EPHA6: variants seen among roughly 807,000 people sequenced by gnomAD.
The protein encoded by EPHA6 is EPH receptor A6, also known as ephrin type-A receptor 6.
EPHA6 carries 50 observed loss-of-function variants against 112.0 expected under a neutral mutation model. The ratio of observed to expected loss-of-function variants is 0.45; its 90% CI spans 0.36 to 0.56. The LOEUF is 0.56. EPHA6 is among the 20% of genes least tolerant of loss of function. The pLI is 0.00. For missense variants in EPHA6, 1,280 were observed against 1,417.4 expected, an observed-to-expected ratio of 0.90 and a Z score of 1.56; for synonymous variants, 529 against 490.7, an observed-to-expected ratio of 1.08 and a Z score of -1.03.
intron 14 of EPHA6, among the ~76,000 whole-genome samples, chr3:97,672,022 A>C (rs560349704): frequency 4.6e-5 from 7 of 152,310 alleles, no homozygotes; most frequent in African/African-American, 1.7e-4. Context: ...TGCGCAGTCC[A>C]TCACTGTTCC....
At chr3:97,349,740 T>C (rs2083709367) in intron 5 of EPHA6, among the ~76,000 whole-genome samples, 1 of 152,018 alleles carries the variant, frequency 6.6e-6, no homozygotes, top group Non-Finnish European at 1.5e-5. Context: ...AGACTAGTGA[T>C]CTTCATGAGA....
chr3:97,572,147 C>CTTTTTTT (rs869271956), intron 11 of EPHA6, among the ~76,000 whole-genome samples: 1 of 128,368 alleles, frequency 7.8e-6, no homozygotes, highest in Non-Finnish European at 1.7e-5. Flanking sequence ...ATCTCTTTTC[C>CTTTTTTT]TTTTTTTTTT....
chr3:97,538,528 C>T (rs1005285908), intron 11 of EPHA6, among the ~76,000 whole-genome samples: 2 of 152,054 alleles, frequency 1.3e-5, no homozygotes, highest in African/African-American at 2.4e-5. Context: ...AAGGAGAACT[C>T]GATAGATGGC....
intron 3 of EPHA6, among the ~76,000 whole-genome samples, chr3:96,992,881 T>A (rs544415163): frequency 9.6e-4 from 146 of 152,308 alleles, no homozygotes; most frequent in Admixed American, 2.6e-3. Context: ...TGCCTCTGGG[T>A]CTTCACAAAG....
intron 2 of EPHA6, among the ~76,000 whole-genome samples, chr3:96,886,409 C>T (rs2037627359): frequency 6.6e-6 from 1 of 152,156 alleles, no homozygotes; most frequent in Admixed American, 6.5e-5. Context: ...TTGGACAAGG[C>T]CTTTTACCAT....
intron 2 of EPHA6, among the ~76,000 whole-genome samples, chr3:96,891,227 C>T (rs2037942305): frequency 1.3e-5 from 2 of 152,126 alleles, no homozygotes; most frequent in Admixed American, 1.3e-4. Context: ...AAATGGTTGT[C>T]TAGGCATAAA....
chr3:97,260,065 T>C (rs1245479378), intron 5 of EPHA6, among the ~76,000 whole-genome samples: 1 of 152,206 alleles, frequency 6.6e-6, no homozygotes, highest in Non-Finnish European at 1.5e-5. Flanking sequence ...CCTCCCAAAG[T>C]GCTGGGATTA....
intron 2 of EPHA6, among the ~76,000 whole-genome samples, chr3:96,946,243 A>G: frequency 6.6e-6 from 1 of 152,006 alleles, no homozygotes. Flanking sequence ...TTACGTAAGT[A>G]TACGTGTGCC....
chr3:96,895,857 G>C (rs903477171), intron 2 of EPHA6, among the ~76,000 whole-genome samples: 4 of 152,058 alleles, frequency 2.6e-5, no homozygotes, highest in Non-Finnish European at 4.4e-5. Flanking sequence ...CTTCACACAG[G>C]CTTCTTATAG....
At chr3:97,250,903 T>C (rs2079117878) in intron 5 of EPHA6, among the ~76,000 whole-genome samples, 1 of 152,128 alleles carries the variant, frequency 6.6e-6, no homozygotes, top group Admixed American at 6.5e-5. Context: ...AGTCTCACTT[T>C]GTCCCCAGGG....
At chr3:97,276,172 G>A (rs1320312185) in intron 5 of EPHA6, among the ~76,000 whole-genome samples, 2 of 152,158 alleles carry the variant, frequency 1.3e-5, no homozygotes. Flanking sequence ...ACCCTCCACT[G>A]TGAGAGTTAC....
chr3:97,447,770 T>G, intron 6 of EPHA6: 1 of 1,014,950 alleles, frequency 9.9e-7, no homozygotes, highest in Non-Finnish European at 1.2e-6. Flanking sequence ...GTGAGATAAT[T>G]TGGCAATTCA....
intron 3 of EPHA6, among the ~76,000 whole-genome samples, chr3:97,089,013 G>C (rs184472198): frequency 2.0e-5 from 3 of 152,026 alleles, no homozygotes; most frequent in Non-Finnish European, 4.4e-5. Flanking sequence ...CTTTAGGGCC[G>C]GAGCAGAGTT....
Position 97,747,421 on chromosome 3 carries a change from A to C in EPHA6, c.3129-2A>C. 1 of 1,532,268 alleles carries C rather than the reference A, an allele frequency of 6.5e-7. No homozygotes were observed. Among genetic ancestry groups the C allele is most frequent in the Non-Finnish European group, 8.8e-7 (1 of 1,139,560 alleles). 94.9% of individuals were successfully genotyped at this position (1,532,268 alleles called of 1,614,324 possible). On this transcript the variant is annotated splice_acceptor_variant, in intron 16 of 17. Transcript: ENST00000389672. LOFTEE classifies it high-confidence loss of function. ...GTTTTGTTTTGTTTTGTTTTCTTAC[A>C]GAATGCCAGAGTCCCCTGGTGAAGT...
intron 3 of EPHA6, among the ~76,000 whole-genome samples, chr3:97,213,201 G>T (rs1319191451): frequency 2.6e-5 from 4 of 152,158 alleles, no homozygotes; most frequent in Non-Finnish European, 5.9e-5. Flanking sequence ...CCCTTGGCAA[G>T]AAGGCTGAGG....
At chr3:97,726,927 G>A (rs536088895) in intron 15 of EPHA6, among the ~76,000 whole-genome samples, 1 of 152,170 alleles carries the variant, frequency 6.6e-6, no homozygotes, top group Admixed American at 6.5e-5. Flanking sequence ...TAAATGAGAG[G>A]TGACTTAGCT....
At chr3:97,550,973 A>G (rs2093021649) in intron 11 of EPHA6, among the ~76,000 whole-genome samples, 1 of 152,184 alleles carries the variant, frequency 6.6e-6, no homozygotes, top group South Asian at 2.1e-4. Context: ...GCTCAATTCT[A>G]AATTTTAACA....
intron 2 of EPHA6, among the ~76,000 whole-genome samples, chr3:96,885,143 C>CTT (rs1418480238): frequency 6.6e-6 from 1 of 151,996 alleles, no homozygotes; most frequent in Non-Finnish European, 1.5e-5. Context: ...TTGTTAAGGA[C>CTT]TTTAGGATGT....
chr3:97,610,553 T>C (rs1312818207), intron 12 of EPHA6, among the ~76,000 whole-genome samples: 1 of 151,716 alleles, frequency 6.6e-6, no homozygotes, highest in Admixed American at 6.6e-5. Context: ...AAGTACCTAA[T>C]TCCTTTGTAA....
Sources: gnomAD v4.1 joint callset for allele counts (sites outside exome capture counted in the v4.1 genomes callset) on GRCh38, gnomAD v4.1.1 for gene constraint, MANE v1.5 for transcripts, NCBI Gene and HGNC (gene_info 2026-07-23, HGNC 2026-07-21) for gene names.